The following MAN1C1 variants were observed in gnomAD, a reference collection of about 807,000 sequenced individuals.
MAN1C1 encodes mannosyl-oligosaccharide 1,2-alpha-mannosidase IC.
MAN1C1 carries 49 observed loss-of-function variants against 71.5 expected under a neutral mutation model. That is an observed-to-expected ratio of 0.69 (90% CI 0.54 to 0.87). The LOEUF is 0.87. Ranked by LOEUF, MAN1C1 falls within the 40% of genes least tolerant of loss-of-function variation. The pLI is 0.00. For synonymous variants in MAN1C1, 352 were observed against 343.7 expected (o/e 1.02, Z -0.27); for missense variants, 743 against 835.0 (o/e 0.89, Z 1.36).
rs1461054268 is a variant in MAN1C1 at position 25,730,930 on chromosome 1, T to G, written c.638-15738T>G. 6.6e-6 allele frequency among the ~76,000 whole-genome samples: 1 copy of G among 152,196 alleles called. No homozygotes were observed. The highest frequency in any genetic ancestry group is 1.5e-5 in the Non-Finnish European group (1 of 68,032). ...CTGCTGGCTCAGAGAGGTTAAGTCA[T>G]TTGGCTGTGGTCACAGGCTGGTAAG... On this transcript the variant is annotated intron_variant, in intron 2 of 11. Transcript: ENST00000374332. This position sits in a 1 kb window ranked among gnomAD's most constrained non-coding sequence, Gnocchi z 4.3.
chr1:25,636,552 T>A (rs2045463930), intron 1 of MAN1C1, among the ~76,000 whole-genome samples: 1 of 152,318 alleles, frequency 6.6e-6, no homozygotes, highest in Non-Finnish European at 1.5e-5. Context: ...AGTCAGACCT[T>A]ATGGTTGTCT....
chr1:25,666,917 G>C (rs540633265), intron 1 of MAN1C1, among the ~76,000 whole-genome samples: 1 of 150,672 alleles, frequency 6.6e-6, no homozygotes, highest in East Asian at 2.0e-4. Context: ...GGGTTCATTT[G>C]TGCCCTGCCT....
At chr1:25,722,867 A>G (rs1007547387) in intron 2 of MAN1C1, among the ~76,000 whole-genome samples, 1 of 152,194 alleles carries the variant, frequency 6.6e-6, no homozygotes, top group Non-Finnish European at 1.5e-5. Context: ...TCCAATGGGA[A>G]CTCAATATAG....
chr1:25,644,497 C>CATGTATATATATATATATATATAT (rs1553182563), intron 1 of MAN1C1: 2 of 80,146 alleles, frequency 2.5e-5, no homozygotes, highest in African/African-American at 1.8e-4. Context: ...GTACCAGAGA[C>CATGTATATATATATATATATATAT]ATATATATAT....
chr1:25,708,586 A>G (rs1433995253), intron 2 of MAN1C1, among the ~76,000 whole-genome samples: 1 of 152,138 alleles, frequency 6.6e-6, no homozygotes, highest in Admixed American at 6.5e-5. Context: ...CCCAGTCCCT[A>G]TTCAAGATGG....
chr1:25,637,877 T>G (rs928659092), intron 1 of MAN1C1, among the ~76,000 whole-genome samples: 6 of 147,630 alleles, frequency 4.1e-5, no homozygotes. Context: ...ATATGATTAG[T>G]GTTTGTATGG....
intron 1 of MAN1C1, among the ~76,000 whole-genome samples, chr1:25,677,195 T>C (rs2046081079): frequency 6.6e-6 from 1 of 152,224 alleles, no homozygotes; most frequent in South Asian, 2.1e-4. Flanking sequence ...CATCTTTTGT[T>C]TGAGGAAGAA....
At chr1:25,647,384 G>A (rs1024884113) in intron 1 of MAN1C1, among the ~76,000 whole-genome samples, 2 of 152,184 alleles carry the variant, frequency 1.3e-5, no homozygotes, top group Admixed American at 6.5e-5. Context: ...GATAATGGCA[G>A]AGTGTGGGCT....
At position 25,782,728 on chromosome 1, in the gene MAN1C1, T is replaced by C. The variant is rs754963079; in HGVS notation, c.1766+28T>C. 7 of 1,557,422 alleles carry C rather than the reference T, an allele frequency of 4.5e-6. No homozygotes were observed. In the Admixed American group the frequency reaches 6.7e-5, roughly 15 times the overall value. On this transcript the variant is annotated intron_variant, in intron 11 of 11. Transcript: ENST00000374332. This position sits in a 1 kb window ranked among gnomAD's most constrained non-coding sequence, Gnocchi z 4.4. ...GAGCAGTGTGGGCTCTTCCTAGGGA[T>C]GGACAGGTGGGAGGTTGAGGGTAGG...
intron 2 of MAN1C1, among the ~76,000 whole-genome samples, chr1:25,732,173 C>A (rs945197469): frequency 1.2e-4 from 18 of 152,238 alleles, no homozygotes; most frequent in African/African-American, 4.3e-4. Flanking sequence ...GTAGTGCCTG[C>A]TGCAGGGGGG....
At chr1:25,693,210 T>G (rs2046330118) in intron 2 of MAN1C1, among the ~76,000 whole-genome samples, 4 of 152,204 alleles carry the variant, frequency 2.6e-5, no homozygotes, top group Admixed American at 2.6e-4. Flanking sequence ...AGAAAATATA[T>G]TCACTGTCCA....
chr1:25,681,132 A>G (rs1048709789), intron 1 of MAN1C1, among the ~76,000 whole-genome samples: 55 of 152,144 alleles, frequency 3.6e-4, no homozygotes, highest in African/African-American at 1.2e-3. Flanking sequence ...AGGCTGAGGC[A>G]GGAGAATCGC....
At chr1:25,755,059 C>G (rs1434618885) in intron 5 of MAN1C1, among the ~76,000 whole-genome samples, 1 of 152,198 alleles carries the variant, frequency 6.6e-6, no homozygotes, top group Non-Finnish European at 1.5e-5. Context: ...GCACCTGCCC[C>G]CGGCAGGGCT....
At chr1:25,696,021 C>G (rs1050055685) in intron 2 of MAN1C1, among the ~76,000 whole-genome samples, 3 of 152,206 alleles carry the variant, frequency 2.0e-5, no homozygotes, top group African/African-American at 7.2e-5. Flanking sequence ...TTGTTCCTGT[C>G]AGGAGAGGAG....
At chr1:25,739,199 T>C (rs1012557452) in intron 2 of MAN1C1, among the ~76,000 whole-genome samples, 2 of 152,176 alleles carry the variant, frequency 1.3e-5, no homozygotes, top group Non-Finnish European at 2.9e-5. Flanking sequence ...ATGATCACAA[T>C]GGTCTGCCCA....
At chr1:25,639,242 A>G (rs1461516381) in intron 1 of MAN1C1, among the ~76,000 whole-genome samples, 1 of 152,068 alleles carries the variant, frequency 6.6e-6, no homozygotes, top group Non-Finnish European at 1.5e-5. Flanking sequence ...CTGTTCACTG[A>G]TTGTTTCCAT....
intron 1 of MAN1C1, among the ~76,000 whole-genome samples, chr1:25,671,953 A>G (rs1190291119): frequency 6.6e-6 from 1 of 152,234 alleles, no homozygotes. Context: ...ATTGGCTCAC[A>G]TGATTATGGA....
chr1:25,665,488 T>A (rs2045909432), intron 1 of MAN1C1, among the ~76,000 whole-genome samples: 1 of 152,190 alleles, frequency 6.6e-6, no homozygotes, highest in African/African-American at 2.4e-5. Flanking sequence ...GAAAAACGCT[T>A]CCAAATAGTT....
intron 2 of MAN1C1, among the ~76,000 whole-genome samples, chr1:25,701,975 G>A (rs527911712): frequency 6.6e-6 from 1 of 152,272 alleles, no homozygotes; most frequent in South Asian, 2.1e-4. Flanking sequence ...CAGGAGAATC[G>A]CTTGAACCTG....
Sources: gnomAD v4.1 joint callset for allele counts (sites outside exome capture counted in the v4.1 genomes callset) on GRCh38, gnomAD v4.1.1 for gene constraint, Gnocchi (gnomAD v3.1) non-coding constraint, MANE v1.5 for transcripts, NCBI Gene and HGNC (gene_info 2026-07-23, HGNC 2026-07-21) for gene names.